Variants in PDE1C observed in about 807,000 individuals in gnomAD.
The protein encoded by PDE1C is dual specificity calcium/calmodulin-dependent 3',5'-cyclic nucleotide phosphodiesterase 1C.
A neutral mutation model predicts 93.1 loss-of-function variants in PDE1C; 62 were observed. The ratio of observed to expected loss-of-function variants is 0.67; its 90% confidence interval spans 0.54 to 0.82. The LOEUF (loss-of-function observed/expected upper bound fraction) is 0.82. Among genes scored for constraint, PDE1C ranks in the 40% least tolerant of loss-of-function variants. The pLI, the probability that PDE1C is intolerant of heterozygous loss-of-function variation, is 0.00. For missense variants in PDE1C, 742 were observed against 884.6 expected, an observed-to-expected ratio of 0.84 and a Z score of 2.04; for synonymous variants, 325 against 310.1, an observed-to-expected ratio of 1.05 and a Z score of -0.50.
chr7:32,401,287 C>A (rs1784937224), intron 1 of PDE1C, among the ~76,000 whole-genome samples: 1 of 151,900 alleles, frequency 6.6e-6, no homozygotes, highest in Admixed American at 6.6e-5. Flanking sequence ...ACCTGTAATC[C>A]CAGCACTTTG....
intron 7 of PDE1C, among the ~76,000 whole-genome samples, 182 bp downstream of exon 7, chr7:31,864,760 A>T (rs910690378): frequency 6.6e-6 from 1 of 152,184 alleles, no homozygotes; most frequent in Non-Finnish European, 1.5e-5. Flanking sequence ...GGATGGAGAA[A>T]ATTTCAGAGG....
At position 32,324,863 on chromosome 7, in the gene PDE1C, C is replaced by T. The variant is rs567061077; in HGVS notation, c.310+102959G>A. On this transcript the variant is annotated intron_variant, in intron 1 of 1. Coordinates refer to the PDE1C transcript ENST00000672256. ...ACCAGGGAGGCTGAGGTGGGAGGATCGCTTGAACCTGGGAGGTCAAGGATG... is the reference window on the plus strand; with the variant it reads ...ACCAGGGAGGCTGAGGTGGGAGGATTGCTTGAACCTGGGAGGTCAAGGATG... Among the ~76,000 whole-genome samples, 102 of 152,190 alleles carry T rather than the reference C, an allele frequency of 6.7e-4. 4 individuals are homozygous for T. The South Asian group carries it at 0.02, about 30-fold the overall frequency.
intron 1 of PDE1C, among the ~76,000 whole-genome samples, chr7:32,419,680 C>A (rs1435341354): frequency 6.6e-6 from 1 of 152,118 alleles, no homozygotes; most frequent in Non-Finnish European, 1.5e-5. Context: ...TATTTTGCAA[C>A]TTGGCCACAT....
intron 1 of PDE1C, among the ~76,000 whole-genome samples, chr7:32,383,532 G>A (rs1192766471): frequency 6.6e-6 from 1 of 152,244 alleles, no homozygotes; most frequent in Admixed American, 6.5e-5. Context: ...CCAAGGGAAA[G>A]TCCCTTTGGG....
intron 1 of PDE1C, among the ~76,000 whole-genome samples, chr7:32,426,860 C>T (rs1198463432): frequency 6.6e-6 from 1 of 152,180 alleles, no homozygotes; most frequent in Non-Finnish European, 1.5e-5. Context: ...TCCACTTAAT[C>T]TACTGAATCC....
At chr7:32,085,058 C>G (rs1228437075) in intron 3 of PDE1C, among the ~76,000 whole-genome samples, 1 of 134,682 alleles carries the variant, frequency 7.4e-6, no homozygotes, top group Non-Finnish European at 1.6e-5. Context: ...ATTAATGAAT[C>G]CAGGAGCTGG....
intron 3 of PDE1C, among the ~76,000 whole-genome samples, chr7:32,130,908 T>C (rs1371464537): frequency 2.6e-5 from 4 of 152,030 alleles, no homozygotes; most frequent in Non-Finnish European, 5.9e-5. Flanking sequence ...ACTCCCATCA[T>C]AATAATAATG....
chr7:32,057,524 C>A (rs1346336423), intron 1 of PDE1C, among the ~76,000 whole-genome samples: 1 of 152,182 alleles, frequency 6.6e-6, no homozygotes, highest in Non-Finnish European at 1.5e-5. Context: ...CATCAAAGGG[C>A]AAAGAGCACT....
At chr7:32,252,739 C>G (rs777898402) in intron 1 of PDE1C, among the ~76,000 whole-genome samples, 8 of 152,156 alleles carry the variant, frequency 5.3e-5, no homozygotes, top group Non-Finnish European at 1.2e-4. Context: ...GTATTTGCAA[C>G]GTGTCAAGGA....
At chr7:32,071,158 G>T, upstream of PDE1C, 1 of 985,342 alleles carries the variant, frequency 1.0e-6, no homozygotes, top group Non-Finnish European at 1.2e-6. Context: ...CAGGGCAGCC[G>T]CGGCCACCAC....
At chr7:31,812,190 CT>C (rs1270446211) in intron 15 of PDE1C, among the ~76,000 whole-genome samples, 5 of 152,092 alleles carry the variant, frequency 3.3e-5, no homozygotes, top group Admixed American at 2.6e-4. Context: ...TCATTTACTG[CT>C]TACTTTTTAA....
the PDE1C span, among the ~76,000 whole-genome samples, chr7:31,744,193 A>G: frequency 6.6e-6 from 1 of 152,058 alleles, no homozygotes; most frequent in East Asian, 1.9e-4. Flanking sequence ...TATGATTCCT[A>G]CAGTTCCTCT....
chr7:32,286,359 A>G (rs1242173822), intron 1 of PDE1C, among the ~76,000 whole-genome samples: 1 of 152,218 alleles, frequency 6.6e-6, no homozygotes, highest in Non-Finnish European at 1.5e-5. Flanking sequence ...ACTTCCCTGG[A>G]TTAGTGCGTT....
At chr7:31,974,271 C>A (rs1399006473) in intron 2 of PDE1C, among the ~76,000 whole-genome samples, 1 of 152,090 alleles carries the variant, frequency 6.6e-6, no homozygotes, top group Non-Finnish European at 1.5e-5. Flanking sequence ...GAAAGCAGGT[C>A]TTTTCATTAT....
chr7:32,008,298 A>G (rs892024278), intron 2 of PDE1C, among the ~76,000 whole-genome samples: 6 of 152,114 alleles, frequency 3.9e-5, no homozygotes, highest in Admixed American at 6.5e-5. Flanking sequence ...TTTTCATCAC[A>G]GCTTGCATCC....
chr7:31,637,366 G>A, the PDE1C span, among the ~76,000 whole-genome samples: 10 of 152,066 alleles, frequency 6.6e-5, no homozygotes, highest in Non-Finnish European at 1.2e-4. Context: ...GTGTAAAAGT[G>A]TTCCTATTTC....
At chr7:32,285,765 G>A (rs1585079299) in intron 1 of PDE1C, among the ~76,000 whole-genome samples, 1 of 136,390 alleles carries the variant, frequency 7.3e-6, no homozygotes, top group African/African-American at 2.7e-5. Context: ...AGAGGGGGGA[G>A]AGAGGAAGGG....
intron 1 of PDE1C, among the ~76,000 whole-genome samples, chr7:32,211,066 G>A (rs1267445042): frequency 2.0e-5 from 3 of 151,988 alleles, no homozygotes; most frequent in African/African-American, 7.3e-5. Flanking sequence ...AAAATTAGCC[G>A]GGCGTGGTGG....
At chr7:32,146,993 A>G (rs1196025243) in intron 3 of PDE1C, among the ~76,000 whole-genome samples, 1 of 152,134 alleles carries the variant, frequency 6.6e-6, no homozygotes, top group African/African-American at 2.4e-5. Context: ...TTCAACTGCT[A>G]AAAATGAACA....
Sources: gnomAD v4.1 joint callset for allele counts (sites outside exome capture counted in the v4.1 genomes callset) on GRCh38, gnomAD v4.1.1 for gene constraint, MANE v1.5 for transcripts, NCBI Gene and HGNC (gene_info 2026-07-23, HGNC 2026-07-21) for gene names.